CYP2R1: variants seen among roughly 807,000 people sequenced by gnomAD.
The protein encoded by CYP2R1 is cytochrome P450 family 2 subfamily R member 1.
A neutral mutation model predicts 45.7 loss-of-function variants in CYP2R1; 40 were observed. The observed-to-expected ratio is 0.87, with a 90% CI of 0.68 to 1.14. The LOEUF (loss-of-function observed/expected upper bound fraction) is 1.14, where lower values mean the gene tolerates loss of function less well. CYP2R1 is among the 50% of genes most tolerant of loss of function. The pLI is 0.00. For missense variants in CYP2R1, 605 were observed against 602.6 expected, an observed-to-expected ratio of 1.00 and a Z score of -0.04; for synonymous variants, 234 against 219.3, an observed-to-expected ratio of 1.07 and a Z score of -0.59.
chr11:14,888,101 G>C (rs552913764), intron 1 of CYP2R1, among the ~76,000 whole-genome samples: 2 of 152,070 alleles, frequency 1.3e-5, no homozygotes, highest in Non-Finnish European at 2.9e-5. Context: ...TTTGTGGTGA[G>C]ACCTGTTCTG....
At chr11:14,891,803 G>T in intron 1 of CYP2R1, 178 bp downstream of exon 1, 1 of 1,408,762 alleles carries the variant, frequency 7.1e-7, no homozygotes, top group South Asian at 1.6e-5. Context: ...AAGGGGGCAC[G>T]GCGTCGAGGA....
rs782331404 is a variant in CYP2R1, at chr11:14,879,463, C to T, written c.1001-20G>A. On this transcript the variant is annotated intron_variant, in intron 3 of 4. Transcript: ENST00000334636. Reference sequence around the variant, plus strand: ...CTTGTCCTGTCAGAGAAAAAGTATTCAAGTTATTATGCAGTTCTTAGAATT... The same window carrying T: ...CTTGTCCTGTCAGAGAAAAAGTATTTAAGTTATTATGCAGTTCTTAGAATT... 6.4e-7 allele frequency: 1 copy of T among 1,568,538 alleles called. No homozygotes were observed. The highest frequency in any genetic ancestry group is 1.7e-5 in the Admixed American group (1 of 59,188).
intron 2 of CYP2R1, among the ~76,000 whole-genome samples, chr11:14,881,245 A>G (rs1479387017): frequency 6.6e-6 from 1 of 152,126 alleles, no homozygotes; most frequent in African/African-American, 2.4e-5. Flanking sequence ...ATGGTAGACA[A>G]TCAAGTAACT....
At chr11:14,884,811 A>C (rs936355163) in intron 2 of CYP2R1, among the ~76,000 whole-genome samples, 15 of 152,124 alleles carry the variant, frequency 9.9e-5, no homozygotes, top group African/African-American at 3.6e-4. Context: ...CAGCTTTGAA[A>C]AATATATACT....
intron 2 of CYP2R1, among the ~76,000 whole-genome samples, chr11:14,884,412 C>G (rs1848523607): frequency 6.6e-6 from 1 of 151,598 alleles, no homozygotes; most frequent in Admixed American, 6.6e-5. Flanking sequence ...AATCATCATT[C>G]TCAGTAAACT....
In CYP2R1 at chr11:14,878,296, T is replaced by C; in HGVS notation, c.1332A>G (p.Gly444=). 1 of 1,612,728 alleles carries C rather than the reference T, an allele frequency of 6.2e-7. No individual in the cohort carries two copies. The highest frequency in any genetic ancestry group is 2.2e-5 in the East Asian group (1 of 44,864). Residue 444 remains glycine, a splice_region_variant and synonymous_variant, in exon 5 of 5, where the codon GGA becomes GGG. Transcript: ENST00000334636. ...KKEALVPFSL[G]RRHCLGEHLA... is the part of the protein sequence containing the mutation. ...AGTGTTCTCCAAGACAATGTCTTCT[T>C]CCTAAACAGAAAAAGCAGATACAAT...
In CYP2R1 at chr11:14,880,190, T is replaced by C. The variant is rs1555011494; in HGVS notation, c.946A>G (p.Thr316Ala). Reference sequence around the variant, plus strand: ...AGAATCGCCCACCGTAGCACATTGGTTGTAGTTTCAGTTCCAGCAATGATG... The same window carrying C: ...AGAATCGCCCACCGTAGCACATTGGCTGTAGTTTCAGTTCCAGCAATGATG... ...ELIIAGTETT[T>A]NVLRWAILFM... Residue 316 changes from threonine to alanine, a missense_variant, in exon 3 of 5, where the codon ACC (threonine) becomes GCC (alanine). Thr to Ala is a moderately conservative substitution (Grantham distance 58). Transcript: ENST00000334636. The C allele has an allele frequency of 1.2e-6, 2 of 1,612,898 alleles. No individual in the cohort carries two copies. The highest frequency in any genetic ancestry group is 2.2e-5 in the South Asian group (2 of 91,040).
At position 14,880,752 on chromosome 11, in the gene CYP2R1, T is replaced by G; in HGVS notation, c.384A>C (p.Arg128Ser). ...MTKMGGLLNS[R>S]YGRGWVDHRR... ...TGTGATCAACCCATCCTCGGCCATA[T>G]CTGGAATTGAGTAAGCCTGAAAAAA... Residue 128 changes from arginine (R) to serine (S), a missense_variant, in exon 3 of 5, where the codon AGA becomes AGC. Transcript: ENST00000334636. 6.2e-7 allele frequency: 1 copy of G among 1,608,078 alleles called. No homozygotes were observed. Among genetic ancestry groups the G allele is most frequent in the Non-Finnish European group, 8.5e-7 (1 of 1,178,130 alleles).
Position 14,880,282 on chromosome 11 carries a change from T to C in CYP2R1, c.854A>G (p.Asp285Gly), listed in dbSNP as rs983042802. 1.2e-6 allele frequency: 2 copies of C among 1,613,236 alleles called. No individual in the cohort carries two copies. The highest frequency in any genetic ancestry group is 1.7e-6 in the Non-Finnish European group (2 of 1,179,496). ...AGATGATGGGTCATTTTTACCTTGA[T>C]CCATCTCATCTAAATAAGCATCAAC... ...HFVDAYLDEMDQGKNDPSSTF... is the reference protein window; with the variant it reads ...HFVDAYLDEMGQGKNDPSSTF... The change falls in exon 3 of 5, where the codon GAT becomes GGT. Residue 285 changes from aspartate to glycine, a missense_variant. Coordinates refer to ENST00000334636, the MANE Select transcript of CYP2R1 (RefSeq NM_024514.5).
At position 14,879,098 on chromosome 11, in the gene CYP2R1, G is replaced by T. The variant is rs200643494; in HGVS notation, c.1330+16C>A. The T allele has an allele frequency of 2.5e-6, 4 of 1,601,216 alleles. No homozygotes were observed. The highest frequency in any genetic ancestry group is 3.3e-5 in the Admixed American group (2 of 59,780). On this transcript the variant is annotated intron_variant, in intron 4 of 4. Coordinates refer to ENST00000334636, the MANE Select transcript of CYP2R1 (RefSeq NM_024514.5). ...ATCCTTTATTCTAAAGTTACGCCCC[G>T]TGAAAGTTCTCTTACCTAGGGAAAA...
chr11:14,889,936 G>T (rs781910428), intron 1 of CYP2R1, among the ~76,000 whole-genome samples: 1 of 152,074 alleles, frequency 6.6e-6, no homozygotes, highest in Non-Finnish European at 1.5e-5. Context: ...AGACCATCCT[G>T]CCTAACCGAG....
Position 14,885,830 on chromosome 11 carries a change from T to C in CYP2R1, c.313A>G (p.Ile105Val). The part of the protein sequence containing the change: ...VKECLVHQSE[I>V]FADRPCLPLF... ...GGAAGGCATGGTCTGTCTGCAAAAATTTCGCTTTGATGAACAAGGCATTCC... is the reference window on the plus strand; with the variant it reads ...GGAAGGCATGGTCTGTCTGCAAAAACTTCGCTTTGATGAACAAGGCATTCC... The change falls in exon 2 of 5, where the codon ATT becomes GTT. Residue 105 changes from isoleucine to valine, a missense_variant. Ile to Val is a conservative substitution (Grantham distance 29). Coordinates refer to ENST00000334636, the MANE Select transcript of CYP2R1 (RefSeq NM_024514.5). 1 of 1,613,568 alleles carries C rather than the reference T, an allele frequency of 6.2e-7. No individual in the cohort carries two copies. Among genetic ancestry groups the C allele is most frequent in the Non-Finnish European group, 8.5e-7 (1 of 1,179,802 alleles).
chr11:14,890,755 A>T, intron 1 of CYP2R1: 1 of 562,662 alleles, frequency 1.8e-6, no homozygotes, highest in Non-Finnish European at 2.3e-6. Context: ...TCACCGTGTT[A>T]GCCACGACGG....
chr11:14,891,156 C>A (rs1292828138), intron 1 of CYP2R1: 1 of 985,522 alleles, frequency 1.0e-6, no homozygotes, highest in Non-Finnish European at 1.2e-6. Flanking sequence ...CACCCACACA[C>A]AAGCGGTGGT....
intron 1 of CYP2R1, chr11:14,890,537 CTT>C (rs71044028): frequency 6.2e-3 from 400 of 64,276 alleles, no homozygotes; most frequent in Middle Eastern, 0.015. Context: ...TAGACCAATT[CTT>C]TTTTTTTTTT....
At chr11:14,879,049 T>C (rs1848266450) in intron 4 of CYP2R1, 65 bp downstream of exon 4, 2 of 1,272,784 alleles carry the variant, frequency 1.6e-6, no homozygotes, top group African/African-American at 1.5e-5. Context: ...CAGATTAAGA[T>C]GCTGTATCTA....
At chr11:14,890,570 G>T in intron 1 of CYP2R1, 1 of 267,022 alleles carries the variant, frequency 3.7e-6, no homozygotes, top group Non-Finnish European at 4.7e-6. Flanking sequence ...TTTTTGAGAC[G>T]GAGTCTGGCT....
intron 2 of CYP2R1, 48 bp downstream of exon 2, chr11:14,885,728 G>T: frequency 1.3e-6 from 2 of 1,584,654 alleles, no homozygotes; most frequent in African/African-American, 1.3e-5. Context: ...TAAGGAATGT[G>T]ATTTAAAATA....
intron 2 of CYP2R1, among the ~76,000 whole-genome samples, chr11:14,883,613 G>C (rs372778185): frequency 3.4e-4 from 51 of 151,928 alleles, no homozygotes; most frequent in Non-Finnish European, 5.2e-4. Context: ...CCATTCAGGA[G>C]ATAGGCATGG....
Sources: allele counts gnomAD v4.1 joint callset (sites outside exome capture counted in the v4.1 genomes callset), GRCh38; gene constraint gnomAD v4.1.1; transcripts MANE v1.5; gene names NCBI Gene and HGNC (gene_info 2026-07-23, HGNC 2026-07-21).